Variants in DAP3 observed in about 807,000 individuals in gnomAD.
The protein encoded by DAP3 is small ribosomal subunit protein mS29.
A neutral mutation model predicts 51.9 loss-of-function variants in DAP3; 28 were observed. The ratio of observed to expected loss-of-function variants is 0.54; its 90% confidence interval spans 0.40 to 0.74. The LOEUF (loss-of-function observed/expected upper bound fraction) is 0.74. Ranked by LOEUF, DAP3 falls within the 30% of genes least tolerant of loss-of-function variation. The pLI, the probability that DAP3 is intolerant of heterozygous loss-of-function variation, is 0.00. For synonymous variants in DAP3, 170 were observed against 170.3 expected, an observed-to-expected ratio of 1.00 and a Z score of 0.01; for missense variants, 458 against 483.5, an observed-to-expected ratio of 0.95 and a Z score of 0.49.
At chr1:155,733,634 C>G (rs1659469191) in intron 11 of DAP3, among the ~76,000 whole-genome samples, 1 of 150,796 alleles carries the variant, frequency 6.6e-6, no homozygotes, top group African/African-American at 2.4e-5. Context: ...GTCAGGAGTT[C>G]AAGACCAGCC....
At chr1:155,730,346 A>G (rs1360026043) in intron 9 of DAP3, among the ~76,000 whole-genome samples, 1 of 150,772 alleles carries the variant, frequency 6.6e-6, no homozygotes, top group Non-Finnish European at 1.5e-5. Flanking sequence ...GTGATGGCTG[A>G]TAAATCCCAG....
At chr1:155,708,190 G>A (rs181694686) in intron 1 of DAP3, among the ~76,000 whole-genome samples, 4 of 152,124 alleles carry the variant, frequency 2.6e-5, no homozygotes, top group Non-Finnish European at 5.9e-5. Flanking sequence ...TGGGATTACC[G>A]GTGTGTACCA....
chr1:155,716,976 C>A (rs373060703), intron 2 of DAP3, 30 bp from the exon 3 acceptor site: 1 of 1,599,128 alleles, frequency 6.3e-7, no homozygotes, highest in Non-Finnish European at 8.5e-7. Context: ...GTTTGATAAC[C>A]CCGTAACACT....
At chr1:155,688,845 G>C, upstream of DAP3, 1 of 1,591,800 alleles carries the variant, frequency 6.3e-7, no homozygotes, top group Non-Finnish European at 8.5e-7. Context: ...GCAGGGGCAG[G>C]AGAGGAAGGG....
rs150623601 is a variant in DAP3 at position 155,737,026 on chromosome 1, G to A, written c.1074G>A (p.Gln358=). The A allele has an allele frequency of 6.8e-5, 110 of 1,613,854 alleles. No homozygotes were observed. Among genetic ancestry groups the A allele is most frequent in the Non-Finnish European group, 8.8e-5 (104 of 1,179,966 alleles). Residue 358 remains glutamine, a synonymous_variant, in exon 12 of 13, where the codon CAG becomes CAA. Coordinates refer to ENST00000368336, the MANE Select transcript of DAP3 (RefSeq NM_004632.4). ...CAAAGGAATTTGAAAGTTGTATTCA[G>A]TATTATTTGGAAAACAATTGGCTTC... ...YNPKEFESCI[Q]YYLENNWLQH...
intron 1 of DAP3, among the ~76,000 whole-genome samples, chr1:155,696,288 T>A (rs1405636467): frequency 1.3e-5 from 2 of 152,198 alleles, no homozygotes. Flanking sequence ...TGCTGAATTT[T>A]TTTTTTTCAA....
chr1:155,706,443 A>G (rs998642319), intron 1 of DAP3, among the ~76,000 whole-genome samples: 1 of 152,144 alleles, frequency 6.6e-6, no homozygotes, highest in Admixed American at 6.5e-5. Context: ...TTGCAACTCT[A>G]TGGTTGTTAT....
chr1:155,690,790 A>C (rs1165610706), intron 1 of DAP3, among the ~76,000 whole-genome samples: 1 of 142,174 alleles, frequency 7.0e-6, no homozygotes, highest in Non-Finnish European at 1.5e-5. Flanking sequence ...CCAAGGCTGG[A>C]AGGCAGTAGT....
intron 1 of DAP3, among the ~76,000 whole-genome samples, chr1:155,694,032 T>C (rs1270842016): frequency 7.0e-6 from 1 of 142,038 alleles, no homozygotes. Flanking sequence ...TTGACTGTTG[T>C]TGAGGTTGTT....
At chr1:155,732,867 A>T (rs1214546600) in intron 11 of DAP3, among the ~76,000 whole-genome samples, 1 of 152,064 alleles carries the variant, frequency 6.6e-6, no homozygotes, top group African/African-American at 2.4e-5. Context: ...TACTAAAAAT[A>T]CAAAAAATTA....
intron 11 of DAP3, 183 bp from the exon 12 acceptor site, chr1:155,736,763 G>A: frequency 1.6e-6 from 1 of 611,162 alleles, no homozygotes; most frequent in South Asian, 1.8e-5. Flanking sequence ...AGCACGAGTA[G>A]CCAGCCACCA....
chr1:155,709,916 A>G (rs1656487066), intron 2 of DAP3, 92 bp downstream of exon 2: 1 of 1,262,494 alleles, frequency 7.9e-7, no homozygotes. Context: ...CTAGAGTGAA[A>G]TGCTCTGGAA....
intron 3 of DAP3, among the ~76,000 whole-genome samples, chr1:155,718,737 T>C (rs906609289): frequency 1.3e-5 from 2 of 149,580 alleles, no homozygotes; most frequent in African/African-American, 5.0e-5. Context: ...GATAGATAGA[T>C]AGATAGATAG....
chr1:155,733,891 C>A (rs1285697841), intron 11 of DAP3, among the ~76,000 whole-genome samples: 4 of 152,056 alleles, frequency 2.6e-5, no homozygotes, highest in African/African-American at 7.2e-5. Flanking sequence ...TGGTAGCTCA[C>A]AGCTGTAATC....
intron 1 of DAP3, among the ~76,000 whole-genome samples, chr1:155,694,689 A>G (rs765981596): frequency 6.6e-6 from 1 of 152,194 alleles, no homozygotes; most frequent in Non-Finnish European, 1.5e-5. Context: ...TGCTCATGGT[A>G]GAATTTAAGA....
chr1:155,719,101 G>A (rs1400553427), intron 3 of DAP3, among the ~76,000 whole-genome samples: 3 of 152,158 alleles, frequency 2.0e-5, no homozygotes, highest in Admixed American at 2.0e-4. Context: ...TCTTGGCTAA[G>A]ATAAATGAGG....
intron 2 of DAP3, chr1:155,710,583 T>A (rs996293471): frequency 6.6e-6 from 1 of 152,216 alleles, no homozygotes; most frequent in African/African-American, 2.4e-5. Flanking sequence ...CTCATTTCAC[T>A]AATAATAGTT....
intron 1 of DAP3, among the ~76,000 whole-genome samples, chr1:155,698,870 G>A (rs1375092618): frequency 6.6e-6 from 1 of 152,206 alleles, no homozygotes; most frequent in Non-Finnish European, 1.5e-5. Context: ...CACCTGCGGA[G>A]CTTAAAACTT....
intron 3 of DAP3, among the ~76,000 whole-genome samples, chr1:155,719,295 G>A (rs998586801): frequency 6.6e-5 from 10 of 150,862 alleles, no homozygotes; most frequent in African/African-American, 2.2e-4. Flanking sequence ...GAGTGCAATG[G>A]CGCAGTCTCG....
Sources: gnomAD v4.1 joint callset for allele counts (sites outside exome capture counted in the v4.1 genomes callset) on GRCh38, gnomAD v4.1.1 for gene constraint, MANE v1.5 for transcripts, NCBI Gene and HGNC (gene_info 2026-07-23, HGNC 2026-07-21) for gene names.